The following KCNAB2 variants were observed in gnomAD, a reference collection of about 807,000 sequenced individuals.
KCNAB2 encodes voltage-gated potassium channel subunit beta-2.
A neutral mutation model predicts 63.6 loss-of-function variants in KCNAB2; 29 were observed. The ratio of observed to expected loss-of-function variants is 0.46; its 90% CI spans 0.34 to 0.62. The LOEUF is 0.62. KCNAB2 is among the 20% of genes least tolerant of loss of function. The pLI is 0.01. For missense variants in KCNAB2, 359 were observed against 563.9 expected (o/e 0.64, Z 3.68); for synonymous variants, 222 against 224.2 (o/e 0.99, Z 0.09).
chr1:5,997,315 G>C (rs993094783), intron 1 of KCNAB2, among the ~76,000 whole-genome samples: 2 of 152,154 alleles, frequency 1.3e-5, no homozygotes, highest in Non-Finnish European at 2.9e-5. Flanking sequence ...TTTCACAGTG[G>C]AGAAGGATGG....
In KCNAB2 at chr1:6,093,999, C is replaced by T. The variant is rs568109372; in HGVS notation, c.647-401C>T. Among the ~76,000 whole-genome samples the T allele has an allele frequency of 1.6e-4, 24 of 152,300 alleles. No homozygotes were observed. The South Asian group carries it at 4.6e-3, about 29-fold the overall frequency. ...AATCTGACTGTAACGTTCATGCATT[C>T]ACCTGGTCCTTCCTGAGTGATCGGG... is the stretch of plus-strand genomic sequence containing the variant. On this transcript the variant is annotated intron_variant, in intron 10 of 15. Coordinates refer to ENST00000378083, the MANE Select transcript of KCNAB2 (RefSeq NM_001199862.2).
At chr1:6,065,652 G>C (rs946631770) in intron 2 of KCNAB2, among the ~76,000 whole-genome samples, 2 of 152,140 alleles carry the variant, frequency 1.3e-5, no homozygotes, top group Admixed American at 1.3e-4. Flanking sequence ...CTCATCACCC[G>C]TCACTCATCA....
At chr1:5,993,345 C>T (rs902110679) in intron 1 of KCNAB2, among the ~76,000 whole-genome samples, 2 of 151,758 alleles carry the variant, frequency 1.3e-5, no homozygotes, top group African/African-American at 4.8e-5. Context: ...CCCGCGGGCA[C>T]GCTCTCACCA....
At chr1:6,042,172 CTCA>C (rs1557441751), upstream of KCNAB2, among the ~76,000 whole-genome samples, 1 of 152,206 alleles carries the variant, frequency 6.6e-6, no homozygotes, top group Non-Finnish European at 1.5e-5. Context: ...TAAAGCTTCA[CTCA>C]TCAGGCAGTG....
intron 6 of KCNAB2, 96 bp downstream of exon 6, chr1:6,085,344 C>A: frequency 2.0e-6 from 2 of 1,000,052 alleles, no homozygotes; most frequent in Non-Finnish European, 3.2e-6. Context: ...TGTCGTAAGG[C>A]CCGCAAGTCC....
In KCNAB2 at chr1:6,035,417, G is replaced by A. The variant is rs147450080; in HGVS notation, c.-53+623G>A. On this transcript the variant is annotated intron_variant, in intron 1 of 15. Transcript: ENST00000164247. The surrounding 1 kb of genome is among the most constrained non-coding windows in gnomAD (Gnocchi z 5.0). The stretch of plus-strand genomic sequence containing the variant: ...AGAGTCTGCCGGCGGGGGTGGAGGT[G>A]GGCGCAGGGAATGCTGTGAGGAGCA... 5.9e-3 allele frequency among the ~76,000 whole-genome samples: 904 copies of A among 152,320 alleles called. 13 individuals carry two copies. The highest frequency in any genetic ancestry group is 0.02 in the African/African-American group (829 of 41,552).
upstream of KCNAB2, among the ~76,000 whole-genome samples, chr1:6,043,290 G>T (rs763931343): frequency 1.3e-5 from 2 of 151,112 alleles, no homozygotes; most frequent in Non-Finnish European, 3.0e-5. Context: ...CTGCCCACAG[G>T]TACAGACCAT....
intron 15 of KCNAB2, 21 bp downstream of exon 15, chr1:6,097,378 T>C (rs370563734): frequency 1.1e-4 from 173 of 1,550,110 alleles, no homozygotes; most frequent in Non-Finnish European, 1.4e-4. Context: ...GAGGCCCTGC[T>C]GGGCAGAGGG....
At chr1:6,031,314 G>A (rs944426303), upstream of KCNAB2, among the ~76,000 whole-genome samples, 3 of 152,178 alleles carry the variant, frequency 2.0e-5, no homozygotes, top group Admixed American at 2.0e-4. This position sits in a 1 kb window ranked among gnomAD's most constrained non-coding sequence, Gnocchi z 4.1. Flanking sequence ...TTGATGCTGA[G>A]GTTGAAGGAA....
In KCNAB2 at chr1:6,082,218, G is replaced by A. The variant is rs760774803; in HGVS notation, c.324G>A (p.Leu108=). ...AGATGGCAGAGCAGCTCATGACCTT[G>A]GCCTATGATAATGGCATCAACCTCT... ...TDEMAEQLMT[L]AYDNGINLFD... Residue 108 remains leucine, a synonymous_variant, in exon 5 of 16, where the codon TTG becomes TTA. Coordinates refer to ENST00000378083, the MANE Select transcript of KCNAB2 (RefSeq NM_001199862.2). 37 of 1,613,720 alleles carry A rather than the reference G, an allele frequency of 2.3e-5. No homozygotes were observed. Among genetic ancestry groups the A allele is most frequent in the Non-Finnish European group, 3.0e-5 (35 of 1,179,766 alleles).
rs2100668817 is a variant in KCNAB2, at chr1:6,074,634, T to C, written c.300+864T>C. Among the ~76,000 whole-genome samples, 1 of 152,348 alleles carries C rather than the reference T, an allele frequency of 6.6e-6. No homozygotes were observed. Among genetic ancestry groups the C allele is most frequent in the East Asian group, 1.9e-4 (1 of 5,182 alleles). ...TTGCTTCTATCAAAATTTAAATGCG[T>C]ACAGTTTGTGTTTGAGGTCACTTTT... is the stretch of plus-strand genomic sequence containing the variant. On this transcript the variant is annotated intron_variant, in intron 4 of 15. Coordinates refer to ENST00000378083, the MANE Select transcript of KCNAB2 (RefSeq NM_001199862.2). This position sits in a 1 kb window ranked among gnomAD's most constrained non-coding sequence, Gnocchi z 4.9.
intron 1 of KCNAB2, among the ~76,000 whole-genome samples, chr1:6,039,429 C>T (rs1004638115): frequency 1.3e-4 from 20 of 152,120 alleles, no homozygotes; most frequent in African/African-American, 4.1e-4. Context: ...GGGAGGGGAC[C>T]CAGGGGTTCA....
At chr1:6,000,592 C>A (rs562659322) in intron 1 of KCNAB2, among the ~76,000 whole-genome samples, 4 of 152,132 alleles carry the variant, frequency 2.6e-5, no homozygotes, top group South Asian at 2.1e-4. Flanking sequence ...AACCCCACCC[C>A]CCGCCGCTCT....
At chr1:6,084,752 G>T (rs747627122) in intron 5 of KCNAB2, among the ~76,000 whole-genome samples, 1 of 151,164 alleles carries the variant, frequency 6.6e-6, no homozygotes, top group Non-Finnish European at 1.5e-5. Context: ...GGAGGCAGAG[G>T]TTGCAGAGAG....
rs1480842034 is a variant in KCNAB2, at chr1:6,073,912, C to T, written c.300+142C>T. The T allele has an allele frequency of 1.8e-5, 15 of 823,736 alleles. No homozygotes were observed. The highest frequency in any genetic ancestry group is 7.8e-5 in the East Asian group (3 of 38,456). The allele number at this position is 823,736 out of a possible 1,614,324, so 51.0% of individuals were successfully genotyped here. ...CCTCCCTCTTTCTGTTTTGTGAGGG[C>T]GCCCTGCCCCAGGGGAGAGTAGAAA... On this transcript the variant is annotated intron_variant, in intron 4 of 15. Coordinates refer to ENST00000378083, the MANE Select transcript of KCNAB2 (RefSeq NM_001199862.2). This position sits in a 1 kb window ranked among gnomAD's most constrained non-coding sequence, Gnocchi z 5.7.
intron 1 of KCNAB2, among the ~76,000 whole-genome samples, chr1:6,005,413 G>A (rs7413772): frequency 0.021 from 220 of 10,454 alleles, 62 homozygotes; most frequent in African/African-American, 0.11. Flanking sequence ...CTGAGGGGTG[G>A]GGGTGGAGTT....
chr1:6,001,709 C>T (rs907042108), intron 1 of KCNAB2, among the ~76,000 whole-genome samples: 2 of 152,156 alleles, frequency 1.3e-5, no homozygotes, highest in Non-Finnish European at 2.9e-5. Context: ...TGGTCTCTAA[C>T]GCAGCCCGGA....
upstream of KCNAB2, chr1:6,041,941 C>A (rs1235603872): frequency 7.1e-7 from 1 of 1,404,780 alleles, no homozygotes; most frequent in Admixed American, 1.7e-5. Context: ...AGGACTGCAC[C>A]CTTGCCGAGC....
chr1:6,072,584 C>T (rs979838949), intron 2 of KCNAB2, among the ~76,000 whole-genome samples, 171 bp from the exon 3 acceptor site: 14 of 152,182 alleles, frequency 9.2e-5, no homozygotes, highest in African/African-American at 3.1e-4. Flanking sequence ...ACTTTACCCC[C>T]GGGGTGGGTG....
Sources: allele counts gnomAD v4.1 joint callset (sites outside exome capture counted in the v4.1 genomes callset), GRCh38; gene constraint gnomAD v4.1.1; non-coding constraint Gnocchi (gnomAD v3.1); transcripts MANE v1.5; gene names NCBI Gene and HGNC (gene_info 2026-07-23, HGNC 2026-07-21).